RDM1: variants seen among roughly 807,000 people sequenced by gnomAD.
RDM1 encodes the protein RAD52 motif-containing protein 1.
A neutral mutation model predicts 27.7 loss-of-function variants in RDM1; 28 were observed. That is an observed-to-expected ratio of 1.01 (90% CI 0.75 to 1.39). The LOEUF is 1.39. Among genes scored for constraint, RDM1 ranks in the 40% most tolerant of loss-of-function variants. The probability of loss-of-function intolerance (pLI) is 0.00; values close to 1 mark genes in which losing one functional copy is unlikely to be tolerated. For synonymous variants in RDM1, 124 were observed against 127.5 expected, an observed-to-expected ratio of 0.97 and a Z score of 0.19; for missense variants, 277 against 337.3, an observed-to-expected ratio of 0.82 and a Z score of 1.40.
At chr17:35,929,264 T>G (rs1176270137) in intron 2 of RDM1, among the ~76,000 whole-genome samples, 1 of 152,026 alleles carries the variant, frequency 6.6e-6, no homozygotes, top group Non-Finnish European at 1.5e-5. Context: ...ATTTCATTCA[T>G]TCAGTCATTT....
In RDM1 at chr17:35,920,243, G is replaced by A. The variant is rs760632104; in HGVS notation, c.697C>T (p.Pro233Ser). The part of the protein sequence containing the change: ...ESGKIAVEYR[P>S]SEDIVGVRCE... ...CTGACACCTACGATGTCTTCACTGG[G>A]TCTGTACTCCACAGCTATTTTACCA... Residue 233 changes from proline (P) to serine (S), a missense_variant, in exon 6 of 7, where the codon CCC becomes TCC. Transcript: ENST00000620284. 3 of 1,596,264 alleles carry A rather than the reference G, an allele frequency of 1.9e-6. No individual in the cohort carries two copies. The African/African-American group carries it at 4.0e-5, about 21-fold the overall frequency.
At chr17:35,927,710 A>AT (rs1303256255) in intron 2 of RDM1, among the ~76,000 whole-genome samples, 2 of 152,080 alleles carry the variant, frequency 1.3e-5, no homozygotes, top group Non-Finnish European at 2.9e-5. Context: ...TCACCTATCT[A>AT]TTGAGTTGTA....
In RDM1 at chr17:35,922,560, G is replaced by A. The variant is rs1455952489; in HGVS notation, c.667+17C>T. The A allele has an allele frequency of 1.3e-5, 21 of 1,605,462 alleles. No homozygotes were observed. The highest frequency in any genetic ancestry group is 1.8e-5 in the Non-Finnish European group (21 of 1,177,730). ...ACTGAAACTGAAGTACTTCAAGGAT[G>A]ATCAAGACAGTCTTACCTAGAACAA... On this transcript the variant is annotated intron_variant, in intron 5 of 6. Transcript: ENST00000620284.
chr17:35,918,120 C>T lies in RDM1; in HGVS notation c.*222G>A. The stretch of plus-strand genomic sequence containing the variant: ...TTTATTAAGTTCCGTTCGAGATCCG[C>T]TCCTCGTCACCAGGGCGATCTTATC... On this transcript the variant is annotated 3_prime_UTR_variant, in exon 7 of 7. Coordinates refer to ENST00000620284, the MANE Select transcript of RDM1 (RefSeq NM_145654.4). 1.7e-6 allele frequency: 1 copy of T among 588,712 alleles called. No individual in the cohort carries two copies. Among genetic ancestry groups the T allele is most frequent in the Admixed American group, 3.0e-5 (1 of 33,780 alleles). The allele number at this position is 588,712 out of a possible 1,614,324, so 36.5% of individuals were successfully genotyped here.
At position 35,924,694 on chromosome 17, in the gene RDM1, A is replaced by G. The variant is rs773978000; in HGVS notation, c.478T>C (p.Phe160Leu). 1 of 1,614,218 alleles carries G rather than the reference A, an allele frequency of 6.2e-7. No homozygotes were observed. Among genetic ancestry groups the G allele is most frequent in the Admixed American group, 1.7e-5 (1 of 60,036 alleles). The change falls in exon 4 of 7, where the codon TTC becomes CTC. Residue 160 changes from phenylalanine to leucine, a missense_variant. Physicochemically the swap from Phe to Leu is conservative, Grantham distance 22. Coordinates refer to ENST00000620284, the MANE Select transcript of RDM1 (RefSeq NM_145654.4). ...VPLPKQSLKFFCALEVVLPSC... is the reference protein window; with the variant it reads ...VPLPKQSLKFLCALEVVLPSC... ...GGCAACACCACTTCTAAAGCACAGAAGAACTTCAGGCTTTGCTTCGGAAGT... is the reference window on the plus strand; with the variant it reads ...GGCAACACCACTTCTAAAGCACAGAGGAACTTCAGGCTTTGCTTCGGAAGT...
rs2088944777 is a variant in RDM1, at chr17:35,921,561, G to A, written c.667+1016C>T. Among the ~76,000 whole-genome samples the A allele has an allele frequency of 2.6e-5, 4 of 152,174 alleles. No homozygotes were observed. The South Asian group carries it at 8.3e-4, about 32-fold the overall frequency. On this transcript the variant is annotated intron_variant, in intron 5 of 6. Transcript: ENST00000620284. ...ATTCAATAGCATGACCAATTCCAAGGCTCACGGCAAAGCAGCTGATTTTTG... is the reference window on the plus strand; with the variant it reads ...ATTCAATAGCATGACCAATTCCAAGACTCACGGCAAAGCAGCTGATTTTTG...
At chr17:35,930,519 G>T in intron 1 of RDM1, 113 bp downstream of exon 1, 1 of 1,036,002 alleles carries the variant, frequency 9.7e-7, no homozygotes, top group Non-Finnish European at 1.4e-6. Flanking sequence ...TTATAATTAA[G>T]AGTCCTTCAG....
At chr17:35,923,384 A>C (rs1045850075) in intron 4 of RDM1, among the ~76,000 whole-genome samples, 12 of 143,990 alleles carry the variant, frequency 8.3e-5, no homozygotes, top group Admixed American at 7.0e-5. Context: ...GGCTAGGCAC[A>C]GTGGCTCATG....
chr17:35,929,763 T>C (rs1206797335), intron 2 of RDM1, among the ~76,000 whole-genome samples: 2 of 152,188 alleles, frequency 1.3e-5, no homozygotes, highest in African/African-American at 4.8e-5. Flanking sequence ...ATTTTTTTTA[T>C]AGAGATGGGG....
intron 2 of RDM1, among the ~76,000 whole-genome samples, chr17:35,925,967 T>C (rs1488691708): frequency 6.6e-6 from 1 of 151,978 alleles, no homozygotes; most frequent in Non-Finnish European, 1.5e-5. Flanking sequence ...ACCCCGTCTC[T>C]ACGAAAAATA....
Position 35,922,635 on chromosome 17 carries a change from C to A in RDM1, c.609G>T (p.Lys203Asn). The change falls in exon 5 of 7, where the codon AAG (lysine) becomes AAT (asparagine). Residue 203 changes from lysine to asparagine, a missense_variant. Physicochemically the swap from Lys to Asn is moderately conservative, Grantham distance 94 (BLOSUM62 0). Transcript: ENST00000620284. ...CTGACAAAGCCTTCTGAATAGCAAGCTTCTGGGCTGTCTTCCTTTTCATAA... is the reference window on the plus strand; with the variant it reads ...CTGACAAAGCCTTCTGAATAGCAAGATTCTGGGCTGTCTTCCTTTTCATAA... ...SFLMKRKTAQ[K>N]LAIQKALSDA... 6.2e-7 allele frequency: 1 copy of A among 1,610,868 alleles called. No individual in the cohort carries two copies. The highest frequency in any genetic ancestry group is 1.7e-5 in the Admixed American group (1 of 59,700).
intron 1 of RDM1, 88 bp from the exon 2 acceptor site, chr17:35,930,343 G>A: frequency 1.3e-6 from 2 of 1,529,126 alleles, no homozygotes; most frequent in Non-Finnish European, 1.8e-6. Context: ...ACCTCTCTTC[G>A]CGAAGGATGC....
chr17:35,930,395 A>G lies in RDM1; in HGVS notation c.97-140T>C. The G allele has an allele frequency of 3.3e-6, 4 of 1,199,148 alleles. No homozygotes were observed. The South Asian group carries it at 5.8e-5, about 17-fold the overall frequency. The allele number at this position is 1,199,148 out of a possible 1,614,324, so 74.3% of individuals were successfully genotyped here. A position where few individuals can be genotyped will look rare whatever the true frequency, so the allele number is the denominator to read the frequency against. On this transcript the variant is annotated intron_variant, in intron 1 of 6. Coordinates refer to ENST00000620284, the MANE Select transcript of RDM1 (RefSeq NM_145654.4). ...CACTTAATCAACAGGTTTTCCTCTT[A>G]AAATCCTAAACTTTAAGAAGCACTG...
chr17:35,930,571 A>C, intron 1 of RDM1, 61 bp downstream of exon 1: 1 of 1,498,198 alleles, frequency 6.7e-7, no homozygotes, highest in Non-Finnish European at 9.1e-7. Context: ...GGACTCCGGA[A>C]CTCCCAGTCA....
At chr17:35,920,715 A>C (rs2088913907) in intron 5 of RDM1, among the ~76,000 whole-genome samples, 2 of 152,012 alleles carry the variant, frequency 1.3e-5, no homozygotes, top group South Asian at 4.1e-4. Context: ...TTGGCCTCCC[A>C]AAATGCTGAG....
At chr17:35,922,467 A>G in intron 5 of RDM1, 110 bp downstream of exon 5, 1 of 1,349,722 alleles carries the variant, frequency 7.4e-7, no homozygotes, top group Non-Finnish European at 1.0e-6. Context: ...AAATGAAAGC[A>G]TACTATAGAG....
At chr17:35,927,759 T>C (rs1424208920) in intron 2 of RDM1, among the ~76,000 whole-genome samples, 1 of 152,164 alleles carries the variant, frequency 6.6e-6, no homozygotes, top group Non-Finnish European at 1.5e-5. Flanking sequence ...ATAGGCTTTA[T>C]GCTGTGAAAT....
At position 35,925,637 on chromosome 17, in the gene RDM1, C is replaced by T. The variant is rs1194935463; in HGVS notation, c.277G>A (p.Val93Ile). 4 of 1,611,788 alleles carry T rather than the reference C, an allele frequency of 2.5e-6. No individual in the cohort carries two copies. The highest frequency in any genetic ancestry group is 2.2e-5 in the South Asian group (2 of 90,802). Residue 93 changes from valine to isoleucine, a missense_variant and splice_region_variant, in exon 3 of 7, where the codon GTT (valine) becomes ATT (isoleucine). By Grantham distance (29) the Val-to-Ile change is conservative. Coordinates refer to ENST00000620284, the MANE Select transcript of RDM1 (RefSeq NM_145654.4). ...KQLFQKSPVK[V>I]RLGTRHKAVQ... The stretch of plus-strand genomic sequence containing the variant: ...GCCTTATGTCTGGTGCCAAGACGAA[C>T]CTAAAATCATAGGAGATAGACCCAT...
intron 2 of RDM1, among the ~76,000 whole-genome samples, chr17:35,926,200 T>C (rs2089143494): frequency 6.6e-6 from 1 of 151,904 alleles, no homozygotes; most frequent in South Asian, 2.1e-4. Flanking sequence ...GAGGTATATC[T>C]GCATTTACGT....
Sources: gnomAD v4.1 joint callset for allele counts (sites outside exome capture counted in the v4.1 genomes callset) on GRCh38, gnomAD v4.1.1 for gene constraint, MANE v1.5 for transcripts, NCBI Gene and HGNC (gene_info 2026-07-23, HGNC 2026-07-21) for gene names.